PATE1: variants seen among roughly 807,000 people sequenced by gnomAD.
The protein encoded by PATE1 is prostate and testis expressed 1.
A neutral mutation model predicts 13.1 loss-of-function variants in PATE1; 21 were observed. The ratio of observed to expected loss-of-function variants is 1.61; its 90% CI spans 1.14 to 2.31. The LOEUF (loss-of-function observed/expected upper bound fraction) is 2.31, where lower values mean the gene tolerates loss of function less well. Ranked by LOEUF, PATE1 falls within the 30% of genes most tolerant of loss-of-function variation. The probability of loss-of-function intolerance (pLI) is 0.00; values close to 1 mark genes in which losing one functional copy is unlikely to be tolerated. For synonymous variants in PATE1, 52 were observed against 47.1 expected (o/e 1.10, Z -0.43); for missense variants, 166 against 147.2 (o/e 1.13, Z -0.66).
rs925276138 is a variant in PATE1, at chr11:125,746,422, C to T, written c.52+66C>T. ...TAGGAACAGGTGAGAGCACCCATGACAGAGGCCTTCTCATGGGAGTCCTAT... is the reference window on the plus strand; with the variant it reads ...TAGGAACAGGTGAGAGCACCCATGATAGAGGCCTTCTCATGGGAGTCCTAT... On this transcript the variant is annotated intron_variant, in intron 1 of 4. Coordinates refer to ENST00000305738, the MANE Select transcript of PATE1 (RefSeq NM_138294.3). 11 of 1,533,970 alleles carry T rather than the reference C, an allele frequency of 7.2e-6. No individual in the cohort carries two copies. In the Admixed American group the frequency reaches 1.7e-4, roughly 23 times the overall value.
In PATE1 at chr11:125,749,823, T is replaced by A. The variant is rs992673268; in HGVS notation, c.*1090T>A. On this transcript the variant is annotated 3_prime_UTR_variant, in exon 5 of 5. Coordinates refer to ENST00000305738, the MANE Select transcript of PATE1 (RefSeq NM_138294.3). ...TGAATTATATTATATTATATAAAAATAATAATAAAAATATAAAGAAAGCTA... is the reference window on the plus strand; with the variant it reads ...TGAATTATATTATATTATATAAAAAAAATAATAAAAATATAAAGAAAGCTA... 1.3e-5 allele frequency: 2 copies of A among 151,652 alleles called. No individual in the cohort carries two copies. Among genetic ancestry groups the A allele is most frequent in the Non-Finnish European group, 1.5e-5 (1 of 67,908 alleles). 9.4% of individuals were successfully genotyped at this position (151,652 alleles called of 1,614,324 possible). A position where few individuals can be genotyped will look rare whatever the true frequency, so the allele number is the denominator to read the frequency against.
intron 2 of PATE1, 104 bp downstream of exon 2, chr11:125,746,800 T>C (rs1943276218): frequency 1.3e-5 from 16 of 1,188,570 alleles, no homozygotes; most frequent in South Asian, 1.1e-4. Flanking sequence ...AAAATACGAA[T>C]AGACCTTGAG....
Position 125,749,043 on chromosome 11 carries a change from G to C in PATE1, c.*310G>C. 4.4e-6 allele frequency: 1 copy of C among 227,066 alleles called. No homozygotes were observed. Among genetic ancestry groups the C allele is most frequent in the Admixed American group, 5.7e-5 (1 of 17,692 alleles). 14.1% of individuals were successfully genotyped at this position (227,066 alleles called of 1,614,324 possible). A position where few individuals can be genotyped will look rare whatever the true frequency, so the allele number is the denominator to read the frequency against. The stretch of plus-strand genomic sequence containing the variant: ...TCATTCAGAAAAGGAGGAAAGGGTA[G>C]TTTAATTTCAAAAAAGAATCCCTTC... On this transcript the variant is annotated 3_prime_UTR_variant, in exon 5 of 5. Transcript: ENST00000305738.
At chr11:125,746,542 TC>T in intron 1 of PATE1, 118 bp from the exon 2 acceptor site, 1 of 1,392,274 alleles carries the variant, frequency 7.2e-7, no homozygotes, top group Non-Finnish European at 1.0e-6. Flanking sequence ...TCTTCTCCCT[TC>T]CTTTATGGGG....
At chr11:125,748,013 G>T (rs2282539) in intron 4 of PATE1, 191 bp downstream of exon 4, 1 of 780,274 alleles carries the variant, frequency 1.3e-6, no homozygotes, top group Admixed American at 2.9e-5. Flanking sequence ...GAGGGTGGGG[G>T]CCTACAGCTA....
chr11:125,747,856 A>G, intron 4 of PATE1, 34 bp downstream of exon 4: 1 of 1,612,968 alleles, frequency 6.2e-7, no homozygotes, highest in Non-Finnish European at 8.5e-7. Flanking sequence ...AAGAACGGGC[A>G]GAGGACGTAT....
chr11:125,747,583 G>C lies in PATE1; in HGVS notation c.125-117G>C, dbSNP rs142961160. On this transcript the variant is annotated intron_variant, in intron 3 of 4. Coordinates refer to ENST00000305738, the MANE Select transcript of PATE1 (RefSeq NM_138294.3). Reference sequence around the variant, plus strand: ...TCCACAGAGGAAGAGGTTCACGCTTGATGGGCTCTGGCAAAGCCCTGTGGC... The same window carrying C: ...TCCACAGAGGAAGAGGTTCACGCTTCATGGGCTCTGGCAAAGCCCTGTGGC... 92 of 1,484,036 alleles carry C rather than the reference G, an allele frequency of 6.2e-5. No individual in the cohort carries two copies. The African/African-American group carries it at 9.0e-4, about 15-fold the overall frequency. The allele number at this position is 1,484,036 out of a possible 1,614,324, so 91.9% of individuals were successfully genotyped here.
intron 1 of PATE1, 110 bp from the exon 2 acceptor site, chr11:125,746,551 G>T: frequency 7.0e-7 from 1 of 1,424,972 alleles, no homozygotes; most frequent in Non-Finnish European, 9.9e-7. Flanking sequence ...TTCCTTTATG[G>T]GGGGAAATAG....
In PATE1 at chr11:125,746,686, A is replaced by C. The variant is rs372875553; in HGVS notation, c.78A>C (p.Arg26Ser). The C allele has an allele frequency of 6.2e-6, 10 of 1,613,538 alleles. No individual in the cohort carries two copies. In the African/African-American group the frequency reaches 1.3e-4, roughly 22 times the overall value. Residue 26 changes from arginine to serine, a missense_variant, in exon 2 of 5, where the codon AGA becomes AGC. By Grantham distance (110) the Arg-to-Ser change is moderately radical. Transcript: ENST00000305738. ...FRALSGSLSM[R>S]NDAVNEIVAV... ...CATTATCTGGATCACTTTCAATGAG[A>C]AATGATGCAGGTGAGTAGGAATAGA...
At chr11:125,746,783 A>C in intron 2 of PATE1, 87 bp downstream of exon 2, 1 of 1,411,510 alleles carries the variant, frequency 7.1e-7, no homozygotes, top group South Asian at 1.2e-5. Flanking sequence ...AGGGGCCAAA[A>C]AAAACCAAAA....
At position 125,748,606 on chromosome 11, in the gene PATE1, G is replaced by T. The variant is rs755238536; in HGVS notation, c.254G>T (p.Gly85Val). Residue 85 changes from glycine to valine, a missense_variant, in exon 5 of 5, where the codon GGT becomes GTT. Physicochemically the swap from Gly to Val is moderately radical, Grantham distance 109. Transcript: ENST00000305738. The stretch of plus-strand genomic sequence containing the variant: ...TTTTTTCTCCCCTCCACAGGGGATG[G>T]TAATCCCTGGTTAACCTTCATGGGC... ...CMVGRMFKRD[G>V]NPWLTFMGCL... 1 of 1,613,456 alleles carries T rather than the reference G, an allele frequency of 6.2e-7. No individual in the cohort carries two copies. The highest frequency in any genetic ancestry group is 8.5e-7 in the Non-Finnish European group (1 of 1,179,776).
rs1943308887 is a variant in PATE1 at position 125,749,230 on chromosome 11, G to T, written c.*497G>T. ...AGCAACATAAAAAGAAGTGGCTCAA[G>T]TCTTCTTGGAGTTTGTTCATGAATG... On this transcript the variant is annotated 3_prime_UTR_variant, in exon 5 of 5. Transcript: ENST00000305738. 6.6e-6 allele frequency: 1 copy of T among 152,288 alleles called. No homozygotes were observed. Among genetic ancestry groups the T allele is most frequent in the Non-Finnish European group, 1.5e-5 (1 of 68,158 alleles). 9.4% of individuals were successfully genotyped at this position (152,288 alleles called of 1,614,324 possible). A position where few individuals can be genotyped will look rare whatever the true frequency, so the allele number is the denominator to read the frequency against.
chr11:125,747,496 C>A, intron 3 of PATE1, 85 bp downstream of exon 3: 1 of 1,458,268 alleles, frequency 6.9e-7, no homozygotes, highest in South Asian at 1.2e-5. Context: ...TTTCCCCTCC[C>A]ATTTTTCAGG....
intron 3 of PATE1, 142 bp downstream of exon 3, chr11:125,747,553 G>GTATT: frequency 7.0e-7 from 1 of 1,426,764 alleles, no homozygotes. Context: ...TTGGCTTAGT[G>GTATT]TATTTCCACA....
At position 125,748,910 on chromosome 11, in the gene PATE1, T is replaced by C. The variant is rs923260501; in HGVS notation, c.*177T>C. ...AAAGTCCCTCTCCTTTTCTACAGTC[T>C]CTGTCACGCCCCTTAAAATAAGTAA... is the stretch of plus-strand genomic sequence containing the variant. On this transcript the variant is annotated 3_prime_UTR_variant, in exon 5 of 5. Coordinates refer to ENST00000305738, the MANE Select transcript of PATE1 (RefSeq NM_138294.3). The C allele has an allele frequency of 4.5e-6, 3 of 660,518 alleles. No homozygotes were observed. Among genetic ancestry groups the C allele is most frequent in the African/African-American group, 1.8e-5 (1 of 54,510 alleles). The allele number at this position is 660,518 out of a possible 1,614,324, so 40.9% of individuals were successfully genotyped here.
At chr11:125,746,754 G>A in intron 2 of PATE1, 58 bp downstream of exon 2, 2 of 1,589,290 alleles carry the variant, frequency 1.3e-6, no homozygotes, top group South Asian at 1.1e-5. Flanking sequence ...GAAAAGATGA[G>A]TGGGGTGAGG....
Position 125,747,423 on chromosome 11 carries a change from G to T in PATE1, c.124+12G>T. On this transcript the variant is annotated intron_variant, in intron 3 of 4. Coordinates refer to ENST00000305738, the MANE Select transcript of PATE1 (RefSeq NM_138294.3). ...AAACAATTTTCCTGGTAAGTATGAAGAGGACCTGTCTGATCACCTCAGTCT... is the reference window on the plus strand; with the variant it reads ...AAACAATTTTCCTGGTAAGTATGAATAGGACCTGTCTGATCACCTCAGTCT... 4.4e-6 allele frequency: 7 copies of T among 1,607,712 alleles called. No individual in the cohort carries two copies. The highest frequency in any genetic ancestry group is 6.0e-6 in the Non-Finnish European group (7 of 1,174,884).
At chr11:125,746,856 G>A (rs1591456363) in intron 2 of PATE1, among the ~76,000 whole-genome samples, 160 bp downstream of exon 2, 1 of 152,126 alleles carries the variant, frequency 6.6e-6, no homozygotes, top group South Asian at 2.1e-4. Context: ...GCTGGCATGG[G>A]AGCTGATTTT....
chr11:125,748,655 G>A lies in PATE1; in HGVS notation c.303G>A (p.Val101=). The A allele has an allele frequency of 6.2e-7, 1 of 1,613,968 alleles. No individual in the cohort carries two copies. Among genetic ancestry groups the A allele is most frequent in the Non-Finnish European group, 8.5e-7 (1 of 1,179,900 alleles). ...GCTGCCTAAAGAACTGTGCTGATGT[G>A]AAAGGCATAAGGTGGAGTGTCTATT... ...FMGCLKNCAD[V]KGIRWSVYLV... Residue 101 remains valine (V), a synonymous_variant, in exon 5 of 5, where the codon GTG becomes GTA. Coordinates refer to ENST00000305738, the MANE Select transcript of PATE1 (RefSeq NM_138294.3).
Sources: gnomAD v4.1 joint callset for allele counts (sites outside exome capture counted in the v4.1 genomes callset) on GRCh38, gnomAD v4.1.1 for gene constraint, MANE v1.5 for transcripts, NCBI Gene and HGNC (gene_info 2026-07-23, HGNC 2026-07-21) for gene names.